ZFAT: variants seen among roughly 807,000 people sequenced by gnomAD.
The protein encoded by ZFAT is zinc finger and AT-hook domain containing.
In ZFAT, 64 loss-of-function variants were observed where a neutral mutation model predicts 117.7. The ratio of observed to expected loss-of-function variants is 0.54; its 90% confidence interval spans 0.44 to 0.67. The LOEUF (loss-of-function observed/expected upper bound fraction) is 0.67, where lower values mean the gene tolerates loss of function less well. ZFAT is among the 30% of genes least tolerant of loss of function. The probability of loss-of-function intolerance (pLI) is 0.00; values close to 1 mark genes in which losing one functional copy is unlikely to be tolerated. For missense variants in ZFAT, 1,433 were observed against 1,584.5 expected (o/e 0.90, Z 1.62); for synonymous variants, 679 against 615.0 (o/e 1.10, Z -1.54).
At chr8:134,584,029 T>C in intron 9 of ZFAT, 24 bp from the exon 10 acceptor site, 5 of 1,546,442 alleles carry the variant, frequency 3.2e-6, no homozygotes, top group Non-Finnish European at 4.4e-6. Flanking sequence ...AATGTATATA[T>C]CTCTATATAT....
chr8:134,640,345 T>C (rs894684963), intron 2 of ZFAT, among the ~76,000 whole-genome samples: 1 of 152,206 alleles, frequency 6.6e-6, no homozygotes. Context: ...CTTGGTCGTC[T>C]TGCGGAGAAC....
chr8:134,795,340 CG>C, the ZFAT span: 1 of 152,214 alleles, frequency 6.6e-6, no homozygotes, highest in South Asian at 2.1e-4. Flanking sequence ...AGTTAATCAC[CG>C]GCGACCAATG....
chr8:134,832,001 C>T, the ZFAT span, among the ~76,000 whole-genome samples: 1 of 148,316 alleles, frequency 6.7e-6, no homozygotes, highest in Non-Finnish European at 1.5e-5. Context: ...GGTCGGGGGT[C>T]GGGCGAGGAG....
chr8:134,578,797 T>C (rs891358099), intron 10 of ZFAT, among the ~76,000 whole-genome samples: 1 of 152,178 alleles, frequency 6.6e-6, no homozygotes, highest in African/African-American at 2.4e-5. Context: ...CAGGATTTGC[T>C]AATGGATCAT....
intron 1 of ZFAT, among the ~76,000 whole-genome samples, chr8:134,692,202 C>T (rs926172325): frequency 1.3e-5 from 2 of 152,218 alleles, no homozygotes; most frequent in African/African-American, 4.8e-5. Flanking sequence ...GAAGAAAGAT[C>T]AGGCTCAGGG....
At chr8:134,814,517 T>C in the ZFAT span, among the ~76,000 whole-genome samples, 2 of 152,232 alleles carry the variant, frequency 1.3e-5, no homozygotes, top group Admixed American at 6.5e-5. Context: ...TGATGGATCA[T>C]GGCCTTCAAA....
intron 15 of ZFAT, among the ~76,000 whole-genome samples, chr8:134,500,640 T>C (rs1439162641): frequency 1.3e-5 from 2 of 152,166 alleles, no homozygotes; most frequent in East Asian, 3.9e-4. Context: ...GTAGCAGCCA[T>C]CCAAAGTCAT....
chr8:134,783,698 G>T, the ZFAT span: 1 of 152,162 alleles, frequency 6.6e-6, no homozygotes, highest in Non-Finnish European at 1.5e-5. Flanking sequence ...GAAAAGTTAC[G>T]TTGACAATTA....
chr8:134,736,328 C>A, the ZFAT span, among the ~76,000 whole-genome samples: 1 of 152,116 alleles, frequency 6.6e-6, no homozygotes, highest in East Asian at 1.9e-4. Context: ...CTCATGACGA[C>A]CTTTCATGTG....
At chr8:134,640,309 G>C (rs1483263569) in intron 2 of ZFAT, among the ~76,000 whole-genome samples, 1 of 152,196 alleles carries the variant, frequency 6.6e-6, no homozygotes, top group Non-Finnish European at 1.5e-5. Context: ...CCAAACTTGT[G>C]GCTGGTATCA....
chr8:134,496,138 G>A (rs999282242), intron 15 of ZFAT, among the ~76,000 whole-genome samples: 5 of 152,140 alleles, frequency 3.3e-5, no homozygotes, highest in Admixed American at 6.5e-5. Flanking sequence ...ACTCAGCCAC[G>A]TGCCAGGCAC....
intron 13 of ZFAT, 71 bp downstream of exon 13, chr8:134,520,812 T>C: frequency 8.6e-7 from 1 of 1,162,052 alleles, no homozygotes; most frequent in Non-Finnish European, 1.3e-6. Flanking sequence ...CCGTGCCCAG[T>C]ATTTGGGTTT....
the ZFAT span, among the ~76,000 whole-genome samples, chr8:134,820,425 T>C: frequency 6.6e-6 from 1 of 152,250 alleles, no homozygotes; most frequent in South Asian, 2.1e-4. Context: ...CTTATCATCA[T>C]CATACAGCAC....
chr8:134,523,419 C>T lies in ZFAT; in HGVS notation c.3116-2418G>A, dbSNP rs142354741. On this transcript the variant is annotated intron_variant, in intron 12 of 15. Coordinates refer to ENST00000377838, the MANE Select transcript of ZFAT (RefSeq NM_020863.4). ...CTCCCCACAGGTAGACAGGACTGTGCATCCCAGTGTCTCCCACGCCTCCTG... is the reference window on the plus strand; with the variant it reads ...CTCCCCACAGGTAGACAGGACTGTGTATCCCAGTGTCTCCCACGCCTCCTG... 1.1e-4 allele frequency among the ~76,000 whole-genome samples: 17 copies of T among 152,352 alleles called. No homozygotes were observed. The East Asian group carries it at 3.1e-3, about 28-fold the overall frequency.
At chr8:134,770,992 G>A in the ZFAT span, among the ~76,000 whole-genome samples, 3 of 152,130 alleles carry the variant, frequency 2.0e-5, no homozygotes, top group African/African-American at 7.2e-5. Flanking sequence ...AATGGTGCCC[G>A]AAACTTCATT....
chr8:134,524,325 G>C (rs895744482), intron 12 of ZFAT, among the ~76,000 whole-genome samples: 1 of 152,182 alleles, frequency 6.6e-6, no homozygotes, highest in Non-Finnish European at 1.5e-5. Context: ...GTGATGCTCT[G>C]GGGTGGACAA....
chr8:134,608,379 C>T (rs527453049), intron 5 of ZFAT, among the ~76,000 whole-genome samples: 24 of 152,284 alleles, frequency 1.6e-4, no homozygotes, highest in Middle Eastern at 3.4e-3. Context: ...TTTTTCTAAA[C>T]GGTAGTAAGT....
intron 15 of ZFAT, among the ~76,000 whole-genome samples, chr8:134,486,203 C>A (rs1817642747): frequency 6.6e-6 from 1 of 152,214 alleles, no homozygotes; most frequent in Non-Finnish European, 1.5e-5. Flanking sequence ...AAGCTGCCGC[C>A]AACGCAGCTG....
At chr8:134,609,799 C>T (rs1828179634) in intron 4 of ZFAT, among the ~76,000 whole-genome samples, 3 of 152,104 alleles carry the variant, frequency 2.0e-5, no homozygotes, top group African/African-American at 7.2e-5. Context: ...CCAGCTATTT[C>T]ATGTAAAAGA....
Sources: gnomAD v4.1 joint callset for allele counts (sites outside exome capture counted in the v4.1 genomes callset) on GRCh38, gnomAD v4.1.1 for gene constraint, MANE v1.5 for transcripts, NCBI Gene and HGNC (gene_info 2026-07-23, HGNC 2026-07-21) for gene names.